SPAG16: variants seen among roughly 807,000 people sequenced by gnomAD.
SPAG16 encodes the protein sperm associated antigen 16.
In SPAG16, 86 loss-of-function variants were observed where a neutral mutation model predicts 80.4. That is an observed-to-expected ratio of 1.07 (90% CI 0.90 to 1.28). The LOEUF is 1.28. SPAG16 is among the 50% of genes most tolerant of loss of function. The pLI is 0.00. For missense variants in SPAG16, 870 were observed against 765.3 expected (o/e 1.14, Z -1.61); for synonymous variants, 294 against 265.9 (o/e 1.11, Z -1.03).
intron 10 of SPAG16, among the ~76,000 whole-genome samples, chr2:213,659,991 G>A (rs971225598): frequency 6.6e-6 from 1 of 151,574 alleles, no homozygotes; most frequent in Admixed American, 6.6e-5. Flanking sequence ...TTTTTTTTAA[G>A]ATGACTGGCC....
intron 10 of SPAG16, among the ~76,000 whole-genome samples, chr2:213,750,197 G>C (rs764703305): frequency 6.6e-6 from 1 of 152,138 alleles, no homozygotes; most frequent in African/African-American, 2.4e-5. Flanking sequence ...ACTATACAAA[G>C]TATTTGTAAA....
chr2:213,895,011 A>C (rs1002725800), intron 11 of SPAG16, among the ~76,000 whole-genome samples: 1 of 150,264 alleles, frequency 6.7e-6, no homozygotes. Flanking sequence ...AAAAAAAAAA[A>C]AAAAAAAACT....
intron 13 of SPAG16, among the ~76,000 whole-genome samples, chr2:214,069,884 C>G (rs1340489569): frequency 1.3e-5 from 2 of 152,024 alleles, no homozygotes; most frequent in Admixed American, 1.3e-4. Flanking sequence ...TAATTAGGTT[C>G]TTTATATCAA....
intron 10 of SPAG16, among the ~76,000 whole-genome samples, chr2:213,746,890 T>C (rs2067850079): frequency 1.3e-5 from 2 of 152,230 alleles, no homozygotes; most frequent in Admixed American, 1.3e-4. Context: ...TGACTGTTCC[T>C]GGTTTATGTA....
intron 10 of SPAG16, among the ~76,000 whole-genome samples, chr2:213,667,246 A>G (rs1438871678): frequency 1.3e-5 from 2 of 152,228 alleles, no homozygotes; most frequent in Non-Finnish European, 2.9e-5. Flanking sequence ...TAAATAAAAT[A>G]ATTAATGCAA....
intron 10 of SPAG16, among the ~76,000 whole-genome samples, chr2:213,809,926 G>C (rs2072024248): frequency 6.6e-6 from 1 of 152,106 alleles, no homozygotes; most frequent in Non-Finnish European, 1.5e-5. Flanking sequence ...GGGATTCATG[G>C]TATTCATAAT....
rs375496574 is a variant in SPAG16 at position 213,983,410 on chromosome 2, G to A, written c.1401-30541G>A. Reference sequence around the variant, plus strand: ...ATGCTTTATGCCAAACTGTGGTATTGTCATCTTTGGTTTCTGGATAAGATT... The same window carrying A: ...ATGCTTTATGCCAAACTGTGGTATTATCATCTTTGGTTTCTGGATAAGATT... On this transcript the variant is annotated intron_variant, in intron 12 of 15. Coordinates refer to ENST00000331683, the MANE Select transcript of SPAG16 (RefSeq NM_024532.5). 5.3e-5 allele frequency among the ~76,000 whole-genome samples: 8 copies of A among 151,978 alleles called. No homozygotes were observed. In the South Asian group the frequency reaches 1.7e-3, roughly 31 times the overall value.
intron 12 of SPAG16, among the ~76,000 whole-genome samples, chr2:213,933,165 A>C (rs2078842557): frequency 6.6e-6 from 1 of 152,184 alleles, no homozygotes; most frequent in African/African-American, 2.4e-5. Context: ...AAAATGATGA[A>C]AATGGGGTAG....
chr2:213,665,287 G>T (rs2063607411), intron 10 of SPAG16, among the ~76,000 whole-genome samples: 1 of 152,002 alleles, frequency 6.6e-6, no homozygotes, highest in South Asian at 2.1e-4. Context: ...GTACAAAAAG[G>T]TTATAATTAG....
intron 10 of SPAG16, among the ~76,000 whole-genome samples, chr2:213,815,544 A>G (rs566262665): frequency 6.6e-6 from 1 of 152,270 alleles, no homozygotes; most frequent in African/African-American, 2.4e-5. Context: ...GAAATTTTAT[A>G]CAATTAGACT....
At chr2:213,599,911 A>G (rs1574446894) in intron 10 of SPAG16, among the ~76,000 whole-genome samples, 1 of 152,070 alleles carries the variant, frequency 6.6e-6, no homozygotes, top group Non-Finnish European at 1.5e-5. Flanking sequence ...CATCTTGGTC[A>G]GGCTGACCTC....
chr2:213,950,022 A>G (rs759440576), intron 12 of SPAG16, among the ~76,000 whole-genome samples: 3 of 152,186 alleles, frequency 2.0e-5, no homozygotes, highest in Admixed American at 6.5e-5. Flanking sequence ...TTCACTGCAT[A>G]TATCTGTAGT....
At chr2:213,623,693 C>G (rs975089708) in intron 10 of SPAG16, among the ~76,000 whole-genome samples, 6 of 151,980 alleles carry the variant, frequency 3.9e-5, no homozygotes, top group African/African-American at 7.2e-5. Flanking sequence ...AGGTTAGGCA[C>G]TTTAAAAAGC....
chr2:213,355,584 C>T (rs1334386265), intron 7 of SPAG16, among the ~76,000 whole-genome samples: 2 of 152,140 alleles, frequency 1.3e-5, no homozygotes, highest in Non-Finnish European at 2.9e-5. Context: ...CTTTACATCC[C>T]TTGTAAGTTG....
chr2:214,302,586 T>C (rs1283743823), intron 15 of SPAG16, among the ~76,000 whole-genome samples: 1 of 152,212 alleles, frequency 6.6e-6, no homozygotes, highest in Non-Finnish European at 1.5e-5. Context: ...GTTCAAGCGA[T>C]TCTCCTGCCT....
chr2:214,274,098 G>A (rs1267058240), intron 15 of SPAG16, among the ~76,000 whole-genome samples: 2 of 152,104 alleles, frequency 1.3e-5, no homozygotes, highest in Non-Finnish European at 2.9e-5. Context: ...CTCTCTGTTT[G>A]TCTGTTATTG....
intron 10 of SPAG16, among the ~76,000 whole-genome samples, chr2:213,495,644 T>C (rs975085281): frequency 6.6e-6 from 1 of 152,120 alleles, no homozygotes; most frequent in African/African-American, 2.4e-5. Context: ...ATAAATGCTG[T>C]AGAAAAACAT....
At chr2:214,382,550 G>T (rs1700510221) in intron 15 of SPAG16, among the ~76,000 whole-genome samples, 1 of 152,150 alleles carries the variant, frequency 6.6e-6, no homozygotes, top group Non-Finnish European at 1.5e-5. Context: ...ACGGAGGAGG[G>T]TGTGCTTGAA....
intron 8 of SPAG16, among the ~76,000 whole-genome samples, chr2:213,369,227 T>G (rs2066499560): frequency 6.6e-6 from 1 of 152,200 alleles, no homozygotes; most frequent in Admixed American, 6.5e-5. Context: ...GAAGTTTCTT[T>G]GGTCAAAAAA....
Sources: allele counts gnomAD v4.1 joint callset (sites outside exome capture counted in the v4.1 genomes callset), GRCh38; gene constraint gnomAD v4.1.1; transcripts MANE v1.5; gene names NCBI Gene and HGNC (gene_info 2026-07-23, HGNC 2026-07-21).